The following TP63 variants were observed in gnomAD, a reference collection of about 807,000 sequenced individuals.
TP63 encodes the protein tumor protein p63.
In TP63, 17 loss-of-function variants were observed where a neutral mutation model predicts 82.8. The observed-to-expected ratio is 0.21, with a 90% CI of 0.14 to 0.31. The LOEUF is 0.31. TP63 is among the 10% of genes least tolerant of loss of function. The pLI is 1.00. For synonymous variants in TP63, 330 were observed against 321.7 expected (o/e 1.03, Z -0.28); for missense variants, 648 against 895.3 (o/e 0.72, Z 3.52).
chr3:189,629,018 A>G (rs930749633), upstream of TP63, among the ~76,000 whole-genome samples: 6 of 152,158 alleles, frequency 3.9e-5, no homozygotes, highest in African/African-American at 1.2e-4. Flanking sequence ...AATAACAACT[A>G]TTGAAATCAT....
rs1400091741 is a variant in TP63 at position 189,773,722 on chromosome 3, G to C, written c.325-34550G>C. Among the ~76,000 whole-genome samples, 10 of 151,824 alleles carry C rather than the reference G, an allele frequency of 6.6e-5. No homozygotes were observed. The East Asian group carries it at 7.7e-4, about 12-fold the overall frequency. ...TGTTTAATCATCCTCTCCATCAATG[G>C]CTTTTTTTTTCTAGTTTATGTCATG... On this transcript the variant is annotated intron_variant, in intron 3 of 13. Coordinates refer to ENST00000264731, the MANE Select transcript of TP63 (RefSeq NM_003722.5).
intron 1 of TP63, among the ~76,000 whole-genome samples, chr3:189,689,879 A>G (rs1264970582): frequency 6.6e-6 from 1 of 152,150 alleles, no homozygotes; most frequent in Non-Finnish European, 1.5e-5. Context: ...AGGTAATGGC[A>G]GGAGAGGAGG....
intron 1 of TP63, among the ~76,000 whole-genome samples, chr3:189,730,760 C>T (rs1427580189): frequency 6.6e-6 from 1 of 152,156 alleles, no homozygotes; most frequent in African/African-American, 2.4e-5. Flanking sequence ...TCTCCTGCAA[C>T]ATTCTCTCTT....
In TP63 at chr3:189,894,669, A is replaced by G. The variant is rs1484564788; in HGVS notation, c.*167A>G. On this transcript the variant is annotated 3_prime_UTR_variant, in exon 14 of 14. Coordinates refer to ENST00000264731, the MANE Select transcript of TP63 (RefSeq NM_003722.5). The stretch of plus-strand genomic sequence containing the variant: ...CCTCTTACCTAACATCTGACCTGGC[A>G]TCTAATTCTGATTCTGGCTTTAAGC... 6 of 794,294 alleles carry G rather than the reference A, an allele frequency of 7.6e-6. No homozygotes were observed. The highest frequency in any genetic ancestry group is 1.2e-5 in the Non-Finnish European group (6 of 507,456). 49.2% of individuals were successfully genotyped at this position (794,294 alleles called of 1,614,324 possible). A position where few individuals can be genotyped will look rare whatever the true frequency, so the allele number is the denominator to read the frequency against.
At chr3:189,666,850 T>A (rs917147046) in intron 1 of TP63, among the ~76,000 whole-genome samples, 1 of 151,952 alleles carries the variant, frequency 6.6e-6, no homozygotes, top group Non-Finnish European at 1.5e-5. Context: ...AGGGAAATTG[T>A]GTGTATGTAT....
intron 4 of TP63, among the ~76,000 whole-genome samples, chr3:189,863,574 A>G (rs909023599): frequency 1.3e-5 from 2 of 152,176 alleles, no homozygotes; most frequent in African/African-American, 2.4e-5. Context: ...GTGCTACATC[A>G]GGCCCGGTGT....
At chr3:189,872,744 G>T in intron 9 of TP63, 115 bp from the exon 10 acceptor site, 5 of 1,445,800 alleles carry the variant, frequency 3.5e-6, no homozygotes, top group Non-Finnish European at 4.8e-6. Context: ...ACAAATAAAC[G>T]TTAGCAAATA....
chr3:189,834,492 T>C (rs1712828787), intron 4 of TP63, among the ~76,000 whole-genome samples: 1 of 152,208 alleles, frequency 6.6e-6, no homozygotes, highest in Admixed American at 6.5e-5. Context: ...TTCCTCCTAA[T>C]AAAGTCTATA....
intron 1 of TP63, among the ~76,000 whole-genome samples, chr3:189,673,216 A>T (rs1040522813): frequency 6.6e-6 from 1 of 152,130 alleles, no homozygotes; most frequent in African/African-American, 2.4e-5. Flanking sequence ...CTTCCATAAT[A>T]ATAACTCTAG....
At chr3:189,786,446 A>AACACACACACAC (rs59747587) in intron 3 of TP63, among the ~76,000 whole-genome samples, 47 of 147,110 alleles carry the variant, frequency 3.2e-4, no homozygotes, top group African/African-American at 1.1e-3. Flanking sequence ...GACATACCTA[A>AACACACACACAC]ACACACACAC....
chr3:189,788,319 A>G (rs1054916603), intron 3 of TP63, among the ~76,000 whole-genome samples: 1 of 152,066 alleles, frequency 6.6e-6, no homozygotes, highest in South Asian at 2.1e-4. Context: ...TGGGTCTTAT[A>G]TATCAGCCAA....
intron 4 of TP63, among the ~76,000 whole-genome samples, chr3:189,838,693 G>A (rs1168133279): frequency 6.6e-6 from 1 of 151,986 alleles, no homozygotes; most frequent in Admixed American, 6.6e-5. Flanking sequence ...ATTATCCAGG[G>A]GTTCCCTTAA....
intron 3 of TP63, among the ~76,000 whole-genome samples, chr3:189,748,013 TAGA>T (rs1409368091): frequency 2.0e-5 from 3 of 151,988 alleles, no homozygotes; most frequent in African/African-American, 7.2e-5. Flanking sequence ...AAGGAATAAA[TAGA>T]AGACCTGAAC....
chr3:189,819,426 T>C (rs948402434), intron 4 of TP63, among the ~76,000 whole-genome samples: 1 of 152,124 alleles, frequency 6.6e-6, no homozygotes, highest in Non-Finnish European at 1.5e-5. Flanking sequence ...GTATATCTCC[T>C]AATGCTATCC....
intron 4 of TP63, among the ~76,000 whole-genome samples, chr3:189,860,584 G>A (rs1351201146): frequency 6.6e-6 from 1 of 152,196 alleles, no homozygotes; most frequent in Non-Finnish European, 1.5e-5. Flanking sequence ...AGCGCCTCTA[G>A]TTGCTGAATT....
At chr3:189,661,747 A>T (rs1191600575) in intron 1 of TP63, among the ~76,000 whole-genome samples, 1 of 151,998 alleles carries the variant, frequency 6.6e-6, no homozygotes, top group African/African-American at 2.4e-5. Context: ...TCCATTTCAG[A>T]ACTCAATATT....
chr3:189,669,142 C>T (rs970390368), intron 1 of TP63, among the ~76,000 whole-genome samples: 3 of 151,532 alleles, frequency 2.0e-5, no homozygotes, highest in Non-Finnish European at 4.4e-5. Flanking sequence ...AATGGAATAG[C>T]GTCTTTTAAA....
intron 1 of TP63, among the ~76,000 whole-genome samples, chr3:189,678,230 A>G (rs1486630337): frequency 2.0e-5 from 3 of 152,082 alleles, no homozygotes; most frequent in Non-Finnish European, 2.9e-5. Flanking sequence ...TTAAGGTTTT[A>G]CATTTAAGTA....
At chr3:189,694,714 T>G (rs1257811385) in intron 1 of TP63, among the ~76,000 whole-genome samples, 1 of 151,458 alleles carries the variant, frequency 6.6e-6, no homozygotes, top group Non-Finnish European at 1.5e-5. Flanking sequence ...TTTGTTAGGT[T>G]TTTTCACTTT....
Sources: allele counts gnomAD v4.1 joint callset (sites outside exome capture counted in the v4.1 genomes callset), GRCh38; gene constraint gnomAD v4.1.1; transcripts MANE v1.5; gene names NCBI Gene and HGNC (gene_info 2026-07-23, HGNC 2026-07-21).